The following HSPA4 variants were observed in gnomAD, a reference collection of about 807,000 sequenced individuals.
HSPA4 encodes heat shock protein family A (Hsp70) member 4, also known as heat shock 70 kDa protein 4.
HSPA4 carries 25 observed loss-of-function variants against 106.2 expected under a neutral mutation model. That is an observed-to-expected ratio of 0.24 (90% confidence interval 0.17 to 0.33). The LOEUF (loss-of-function observed/expected upper bound fraction) is 0.33. Ranked by LOEUF, HSPA4 falls within the 10% of genes least tolerant of loss-of-function variation. HSPA4 has a pLI of 1.00. For synonymous variants in HSPA4, 332 were observed against 333.6 expected, an observed-to-expected ratio of 1.00 and a Z score of 0.05; for missense variants, 841 against 996.0, an observed-to-expected ratio of 0.84 and a Z score of 2.10.
At chr5:133,068,543 C>T (rs536614325) in intron 3 of HSPA4, among the ~76,000 whole-genome samples, 1 of 152,144 alleles carries the variant, frequency 6.6e-6, no homozygotes, top group Non-Finnish European at 1.5e-5. Context: ...TGTTGAGAAC[C>T]ATGAGAAAAA....
intron 1 of HSPA4, among the ~76,000 whole-genome samples, chr5:133,063,686 G>GC (rs1337454523): frequency 1.3e-5 from 2 of 152,194 alleles, no homozygotes; most frequent in African/African-American, 4.8e-5. Context: ...GCCCGCCTCG[G>GC]CCCCCCAAAG....
In HSPA4 at chr5:133,052,213, G is replaced by GCCGGAC. The variant is rs770463252; in HGVS notation, c.-33_-28dup. 321 of 1,437,920 alleles carry GCCGGAC rather than the reference G, an allele frequency of 2.2e-4. No individual in the cohort carries two copies. The highest frequency in any genetic ancestry group is 3.0e-4 in the Non-Finnish European group (311 of 1,053,796). The allele number at this position is 1,437,920 out of a possible 1,614,324, so 89.1% of individuals were successfully genotyped here. The stretch of plus-strand genomic sequence containing the variant: ...CGGGGGTCCGTGTCCTGTCTCGGTG[G>GCCGGAC]CCGGACCCGGGCCCGAGCCCGAGCA... On this transcript the variant is annotated 5_prime_UTR_variant, in exon 1 of 19. Coordinates refer to ENST00000304858, the MANE Select transcript of HSPA4 (RefSeq NM_002154.4).
chr5:133,090,892 T>C (rs1394992171), intron 11 of HSPA4, among the ~76,000 whole-genome samples: 4 of 152,294 alleles, frequency 2.6e-5, no homozygotes, highest in Admixed American at 2.0e-4. Flanking sequence ...AAATCTGTTT[T>C]AGGAATTAAT....
chr5:133,098,754 C>T, intron 15 of HSPA4, among the ~76,000 whole-genome samples: 1 of 152,034 alleles, frequency 6.6e-6, no homozygotes, highest in East Asian at 1.9e-4. Context: ...CTCACTGCAA[C>T]CTCCACCTCC....
chr5:133,100,204 C>T (rs564568263), intron 16 of HSPA4, among the ~76,000 whole-genome samples: 20 of 151,598 alleles, frequency 1.3e-4, no homozygotes, highest in Non-Finnish European at 2.7e-4. Context: ...GCTGGGATTA[C>T]AGGCGCGTGC....
intron 13 of HSPA4, among the ~76,000 whole-genome samples, chr5:133,095,420 G>A (rs1483026844): frequency 1.3e-5 from 2 of 152,154 alleles, no homozygotes; most frequent in South Asian, 4.1e-4. Flanking sequence ...AGTTACATAT[G>A]GCTTGTAAGT....
chr5:133,059,899 T>TA (rs1765217252), intron 1 of HSPA4, among the ~76,000 whole-genome samples: 1 of 152,180 alleles, frequency 6.6e-6, no homozygotes, highest in South Asian at 2.1e-4. Context: ...ATCAGGGATG[T>TA]AGACTGCAAG....
At chr5:133,072,083 G>A (rs954541486) in intron 4 of HSPA4, among the ~76,000 whole-genome samples, 2 of 152,106 alleles carry the variant, frequency 1.3e-5, no homozygotes, top group African/African-American at 4.8e-5. Flanking sequence ...TCCAGTTTTG[G>A]GTATCAAGTT....
intron 3 of HSPA4, among the ~76,000 whole-genome samples, chr5:133,069,171 C>T (rs913966179): frequency 1.3e-5 from 2 of 152,006 alleles, no homozygotes; most frequent in Admixed American, 6.6e-5. Context: ...ATTTAAAATT[C>T]GTAACTGTTA....
chr5:133,086,405 A>G (rs929581178), intron 7 of HSPA4, among the ~76,000 whole-genome samples: 2 of 152,214 alleles, frequency 1.3e-5, no homozygotes, highest in African/African-American at 4.8e-5. Context: ...GATATGTATT[A>G]GTTCCTCTTA....
At chr5:133,078,029 G>C (rs1183885291) in intron 7 of HSPA4, among the ~76,000 whole-genome samples, 2 of 152,166 alleles carry the variant, frequency 1.3e-5, no homozygotes, top group African/African-American at 2.4e-5. Context: ...TTGCCTGTGT[G>C]CTGTTGTTTG....
At chr5:133,074,151 A>C (rs1243364832) in intron 6 of HSPA4, 25 bp downstream of exon 6, 3 of 1,505,906 alleles carry the variant, frequency 2.0e-6, no homozygotes, top group Non-Finnish European at 2.7e-6. Flanking sequence ...TTTTTCCAGA[A>C]GACTGTTAGT....
intron 1 of HSPA4, among the ~76,000 whole-genome samples, chr5:133,062,676 C>T (rs551907341): frequency 1.3e-5 from 2 of 152,192 alleles, no homozygotes; most frequent in Admixed American, 6.5e-5. Flanking sequence ...TTTTGAGGGG[C>T]TACTCCCAGC....
At chr5:133,092,819 T>A in intron 13 of HSPA4, 30 bp downstream of exon 13, 45 of 1,011,728 alleles carry the variant, frequency 4.4e-5, no homozygotes, top group Non-Finnish European at 6.1e-5. Flanking sequence ...TTTTTTTTTT[T>A]TTTTTTTTTT....
intron 1 of HSPA4, among the ~76,000 whole-genome samples, chr5:133,063,691 C>A (rs977043127): frequency 5.9e-5 from 9 of 152,136 alleles, no homozygotes; most frequent in Admixed American, 2.0e-4. Flanking sequence ...CCTCGGCCCC[C>A]CAAAGTGCTG....
chr5:133,101,770 A>T lies in HSPA4; in HGVS notation c.2049A>T (p.Gln683His). The T allele has an allele frequency of 6.2e-7, 1 of 1,611,086 alleles. No homozygotes were observed. The highest frequency in any genetic ancestry group is 8.5e-7 in the Non-Finnish European group (1 of 1,179,032). ...DKLAELKNLGQPIKIRFQESE... is the reference protein window; with the variant it reads ...DKLAELKNLGHPIKIRFQESE... ...ATTCTTCTGTTAAGAATCTAGGTCAACCTATTAAGATACGTTTCCAGGAAT... is the reference window on the plus strand; with the variant it reads ...ATTCTTCTGTTAAGAATCTAGGTCATCCTATTAAGATACGTTTCCAGGAAT... Residue 683 changes from glutamine (Q) to histidine (H), a missense_variant, in exon 17 of 19, where the codon CAA becomes CAT. Gln to His is a conservative substitution (Grantham distance 24). Transcript: ENST00000304858.
At chr5:133,077,240 T>A (rs1247571866) in intron 7 of HSPA4, among the ~76,000 whole-genome samples, 1 of 152,032 alleles carries the variant, frequency 6.6e-6, no homozygotes, top group South Asian at 2.1e-4. Context: ...ACTAAGAAAT[T>A]GTAATTTTTT....
intron 7 of HSPA4, among the ~76,000 whole-genome samples, chr5:133,080,120 TC>T: frequency 6.6e-6 from 1 of 152,058 alleles, no homozygotes; most frequent in African/African-American, 2.4e-5. Flanking sequence ...TTTTTTTTTT[TC>T]TTGAAAGTCC....
At chr5:133,092,641 G>T in intron 12 of HSPA4, 59 bp from the exon 13 acceptor site, 1 of 1,071,376 alleles carries the variant, frequency 9.3e-7, no homozygotes, top group East Asian at 2.4e-5. Context: ...CTTTGTCAAT[G>T]TGTAATGAAG....
Sources: gnomAD v4.1 joint callset for allele counts (sites outside exome capture counted in the v4.1 genomes callset) on GRCh38, gnomAD v4.1.1 for gene constraint, MANE v1.5 for transcripts, NCBI Gene and HGNC (gene_info 2026-07-23, HGNC 2026-07-21) for gene names.